Variants in SLC4A4 observed in about 807,000 individuals in gnomAD.
SLC4A4 encodes solute carrier family 4 member 4, also known as electrogenic sodium bicarbonate cotransporter 1.
In SLC4A4, 27 loss-of-function variants were observed where a neutral mutation model predicts 111.5. The ratio of observed to expected loss-of-function variants is 0.24; its 90% CI spans 0.18 to 0.33. SLC4A4 has a LOEUF of 0.33. SLC4A4 is among the 10% of genes least tolerant of loss of function. SLC4A4 has a pLI of 1.00. For missense variants in SLC4A4, 909 were observed against 1,315.5 expected, an observed-to-expected ratio of 0.69 and a Z score of 4.78; for synonymous variants, 443 against 463.4, an observed-to-expected ratio of 0.96 and a Z score of 0.57.
intron 3 of SLC4A4, among the ~76,000 whole-genome samples, chr4:71,267,308 A>G (rs757830423): frequency 2.6e-5 from 4 of 152,170 alleles, no homozygotes; most frequent in Non-Finnish European, 4.4e-5. Context: ...GGCTTCTCTG[A>G]GAAAGTTATG....
chr4:71,283,809 G>A (rs1723711451), intron 3 of SLC4A4, among the ~76,000 whole-genome samples: 1 of 152,194 alleles, frequency 6.6e-6, no homozygotes, highest in Admixed American at 6.5e-5. Flanking sequence ...AGAGTTCAAT[G>A]TAAGCTGATC....
At chr4:71,204,237 A>G (rs1396259837) in intron 1 of SLC4A4, among the ~76,000 whole-genome samples, 1 of 152,244 alleles carries the variant, frequency 6.6e-6, no homozygotes, top group Non-Finnish European at 1.5e-5. Flanking sequence ...TTTAGCACTT[A>G]GCTTCTTATC....
At chr4:71,477,827 T>G (rs1009537787) in intron 14 of SLC4A4, among the ~76,000 whole-genome samples, 1 of 151,142 alleles carries the variant, frequency 6.6e-6, no homozygotes, top group African/African-American at 2.4e-5. Context: ...CCTGTTTCAC[T>G]GCTTTTTAAG....
chr4:71,452,997 T>A (rs1216954294), intron 11 of SLC4A4, among the ~76,000 whole-genome samples: 1 of 152,186 alleles, frequency 6.6e-6, no homozygotes, highest in Non-Finnish European at 1.5e-5. Flanking sequence ...GGTTTTTTGA[T>A]GCATGTTGTT....
At chr4:71,332,817 G>A (rs991400455) in intron 3 of SLC4A4, among the ~76,000 whole-genome samples, 1 of 151,954 alleles carries the variant, frequency 6.6e-6, no homozygotes, top group Non-Finnish European at 1.5e-5. Flanking sequence ...TGCATCCTTC[G>A]GTATGTCAGT....
intron 7 of SLC4A4, among the ~76,000 whole-genome samples, chr4:71,423,270 C>A (rs1256642960): frequency 6.6e-6 from 1 of 152,134 alleles, no homozygotes; most frequent in Admixed American, 6.5e-5. Flanking sequence ...ACCTAGGAAT[C>A]CACCTTACAA....
intron 7 of SLC4A4, among the ~76,000 whole-genome samples, chr4:71,411,422 A>G (rs950212794): frequency 1.3e-5 from 2 of 151,764 alleles, no homozygotes; most frequent in Non-Finnish European, 2.9e-5. Context: ...GTTACAGCAC[A>G]TGATGCTTTT....
At chr4:71,298,704 C>T (rs2148836233) in intron 3 of SLC4A4, among the ~76,000 whole-genome samples, 1 of 152,112 alleles carries the variant, frequency 6.6e-6, no homozygotes, top group East Asian at 1.9e-4. Flanking sequence ...ATGCTGGGGC[C>T]ATCTCTAGGT....
chr4:71,071,443 A>T (rs1341020600), intron 1 of SLC4A4, among the ~76,000 whole-genome samples: 3 of 152,290 alleles, frequency 2.0e-5, no homozygotes, highest in South Asian at 4.1e-4. Context: ...TTTAACAAAC[A>T]TCTGTTAATT....
chr4:71,287,624 C>G (rs1367205205), intron 3 of SLC4A4, among the ~76,000 whole-genome samples: 1 of 152,118 alleles, frequency 6.6e-6, no homozygotes, highest in Non-Finnish European at 1.5e-5. Context: ...TCAAATACAT[C>G]TTGTAGTGTT....
At chr4:71,076,847 C>T (rs1408923520) in intron 1 of SLC4A4, among the ~76,000 whole-genome samples, 1 of 151,614 alleles carries the variant, frequency 6.6e-6, no homozygotes, top group African/African-American at 2.4e-5. Context: ...AAAAATTAGC[C>T]TGGCATGATG....
intron 3 of SLC4A4, among the ~76,000 whole-genome samples, chr4:71,255,685 A>T (rs1721400197): frequency 6.6e-6 from 1 of 152,170 alleles, no homozygotes; most frequent in Non-Finnish European, 1.5e-5. Context: ...TGCAGATGGT[A>T]TTTAACTACA....
chr4:71,094,596 A>T (rs1287024203), intron 2 of SLC4A4, among the ~76,000 whole-genome samples: 4 of 152,206 alleles, frequency 2.6e-5, no homozygotes, highest in African/African-American at 9.6e-5. Flanking sequence ...AAGGATATGT[A>T]GTTAGGGGAA....
At chr4:71,233,315 T>A in intron 1 of SLC4A4, 1 of 985,384 alleles carries the variant, frequency 1.0e-6, no homozygotes, top group South Asian at 4.7e-5. Flanking sequence ...GTGTGTGGTA[T>A]GTAAAAATTA....
At chr4:71,535,032 T>C (rs943726023) in intron 18 of SLC4A4, among the ~76,000 whole-genome samples, 6 of 152,174 alleles carry the variant, frequency 3.9e-5, no homozygotes, top group Non-Finnish European at 7.4e-5. Flanking sequence ...CCAGTGACTT[T>C]TTTAGTTGCA....
intron 14 of SLC4A4, among the ~76,000 whole-genome samples, chr4:71,483,927 TG>T (rs1729125685): frequency 9.9e-6 from 1 of 101,170 alleles, no homozygotes; most frequent in Non-Finnish European, 2.8e-5. Flanking sequence ...TGATCATTGA[TG>T]TTGAGCTTTT....
intron 2 of SLC4A4, among the ~76,000 whole-genome samples, chr4:71,176,663 G>A (rs1025046874): frequency 5.3e-5 from 8 of 152,200 alleles, no homozygotes; most frequent in Non-Finnish European, 1.2e-4. Context: ...AAGCCTCCAA[G>A]AAATATGGGA....
intron 3 of SLC4A4, among the ~76,000 whole-genome samples, chr4:71,332,774 C>T (rs868073220): frequency 6.6e-6 from 1 of 152,182 alleles, no homozygotes; most frequent in Non-Finnish European, 1.5e-5. Flanking sequence ...CTCACTAATT[C>T]TTCTGCTTAA....
chr4:71,568,846 A>G lies in SLC4A4; in HGVS notation c.*1095A>G, dbSNP rs1316659269. The G allele has an allele frequency of 6.6e-6, 1 of 152,056 alleles. No individual in the cohort carries two copies. The highest frequency in any genetic ancestry group is 1.5e-5 in the Non-Finnish European group (1 of 67,790). 9.4% of individuals were successfully genotyped at this position (152,056 alleles called of 1,614,324 possible). ...AAAAACACCATGTTTCTAAGCATCC[A>G]TTTTTCCCTTTCTTTAAAAGAAACT... On this transcript the variant is annotated 3_prime_UTR_variant, in exon 26 of 26. Coordinates refer to ENST00000264485, the MANE Select transcript of SLC4A4 (RefSeq NM_001098484.3).
Sources: gnomAD v4.1 joint callset for allele counts (sites outside exome capture counted in the v4.1 genomes callset) on GRCh38, gnomAD v4.1.1 for gene constraint, MANE v1.5 for transcripts, NCBI Gene and HGNC (gene_info 2026-07-23, HGNC 2026-07-21) for gene names.